The following PTPRD variants were observed in gnomAD, a reference collection of about 807,000 sequenced individuals.
PTPRD encodes the protein protein tyrosine phosphatase receptor type D.
Under a neutral mutation model 214.5 loss-of-function variants are expected in PTPRD, and 34 were observed. That is an observed-to-expected ratio of 0.16 (90% CI 0.12 to 0.21). PTPRD has a LOEUF of 0.21. Among genes scored for constraint, PTPRD ranks in the 10% least tolerant of loss-of-function variants. The pLI, the probability that PTPRD is intolerant of heterozygous loss-of-function variation, is 1.00. For missense variants in PTPRD, 2,545 were observed against 2,398.7 expected, an observed-to-expected ratio of 1.06 and a Z score of -1.27; for synonymous variants, 1,128 against 845.7, an observed-to-expected ratio of 1.33 and a Z score of -5.79.
chr9:9,428,808 G>A (rs1217794822), intron 8 of PTPRD, among the ~76,000 whole-genome samples: 1 of 152,122 alleles, frequency 6.6e-6, no homozygotes, highest in Non-Finnish European at 1.5e-5. Flanking sequence ...TGACTACTGG[G>A]TACATAAAGA....
intron 3 of PTPRD, among the ~76,000 whole-genome samples, chr9:10,253,473 C>T (rs1006201268): frequency 6.6e-6 from 1 of 152,220 alleles, no homozygotes. Flanking sequence ...CTCAGCTGCT[C>T]AGGAATATGT....
At chr9:9,350,833 G>T (rs540260079) in intron 9 of PTPRD, among the ~76,000 whole-genome samples, 23 of 152,060 alleles carry the variant, frequency 1.5e-4, no homozygotes, top group African/African-American at 5.5e-4. Context: ...AGTAGTAAAA[G>T]GAAAATATTC....
At chr9:9,792,163 C>A (rs767622110) in intron 5 of PTPRD, among the ~76,000 whole-genome samples, 3 of 151,572 alleles carry the variant, frequency 2.0e-5, no homozygotes, top group Non-Finnish European at 4.4e-5. Context: ...CACAGCTTTT[C>A]AGTGTGGCAG....
chr9:9,143,912 GT>G (rs1262268652), intron 10 of PTPRD, among the ~76,000 whole-genome samples: 7 of 152,214 alleles, frequency 4.6e-5, no homozygotes, highest in African/African-American at 1.7e-4. Flanking sequence ...CTCAGTACAT[GT>G]TTTGTGAGGT....
intron 9 of PTPRD, among the ~76,000 whole-genome samples, chr9:9,261,286 T>C (rs1037896839): frequency 6.6e-6 from 1 of 151,854 alleles, no homozygotes; most frequent in Non-Finnish European, 1.5e-5. Flanking sequence ...TTTTAGAATG[T>C]TTATTTTATT....
At chr9:8,367,751 A>G (rs2080326900) in intron 39 of PTPRD, among the ~76,000 whole-genome samples, 1 of 152,218 alleles carries the variant, frequency 6.6e-6, no homozygotes, top group African/African-American at 2.4e-5. Flanking sequence ...GTGGACATTA[A>G]CAGAGTCAAT....
At chr9:8,751,379 C>T (rs188145008) in intron 11 of PTPRD, among the ~76,000 whole-genome samples, 11 of 150,790 alleles carry the variant, frequency 7.3e-5, no homozygotes, top group Non-Finnish European at 1.2e-4. Flanking sequence ...TCTGTGATTC[C>T]GGAAAGGCTT....
intron 2 of PTPRD, among the ~76,000 whole-genome samples, chr9:10,507,395 T>A (rs1019256991): frequency 1.3e-5 from 2 of 152,116 alleles, no homozygotes; most frequent in Non-Finnish European, 2.9e-5. Flanking sequence ...ATAGATTCAA[T>A]GCCATCCCCA....
chr9:9,181,207 A>C, intron 10 of PTPRD, among the ~76,000 whole-genome samples: 1 of 151,958 alleles, frequency 6.6e-6, no homozygotes, highest in Admixed American at 6.6e-5. Flanking sequence ...AAATGATTTC[A>C]ATAATAATCA....
rs73418384 is a variant in PTPRD, at chr9:8,393,737, T to C, written c.4211-4330A>G. ...AGTGATGTCAATAGTTGTAACCCCA[T>C]AAATAATTGTTTAGCCTTCTAATCT... On this transcript the variant is annotated intron_variant, in intron 36 of 45. Coordinates refer to ENST00000381196, the MANE Select transcript of PTPRD (RefSeq NM_002839.4). Among the ~76,000 whole-genome samples the C allele has an allele frequency of 3.7e-3, 556 of 152,286 alleles. 3 individuals are homozygous for C. Among genetic ancestry groups the C allele is most frequent in the African/African-American group, 0.013 (534 of 41,562 alleles).
intron 11 of PTPRD, among the ~76,000 whole-genome samples, chr9:8,910,253 G>T (rs2098738070): frequency 6.6e-6 from 1 of 151,852 alleles, no homozygotes; most frequent in Non-Finnish European, 1.5e-5. Flanking sequence ...TAGCCAGGAT[G>T]GTCTCGATCT....
At chr9:8,767,153 T>C (rs1190846128) in intron 11 of PTPRD, among the ~76,000 whole-genome samples, 4 of 152,292 alleles carry the variant, frequency 2.6e-5, no homozygotes, top group South Asian at 4.1e-4. Context: ...GTTTTGCTCT[T>C]GTTGCCCAGG....
At chr9:9,720,470 C>A (rs6477409) in intron 7 of PTPRD, among the ~76,000 whole-genome samples, 65,267 of 151,840 alleles carry the variant, frequency 0.43, 16,481 homozygotes, top group African/African-American at 0.7. Flanking sequence ...GGACATGAAG[C>A]CGAAAGTCAG....
intron 3 of PTPRD, among the ~76,000 whole-genome samples, chr9:10,103,823 G>T (rs1251021778): frequency 6.6e-6 from 1 of 151,588 alleles, no homozygotes; most frequent in Non-Finnish European, 1.5e-5. Flanking sequence ...CAAGAATTTA[G>T]AAAAATTAAA....
intron 3 of PTPRD, among the ~76,000 whole-genome samples, chr9:10,259,936 G>T (rs960303723): frequency 1.3e-5 from 2 of 152,170 alleles, no homozygotes; most frequent in East Asian, 3.9e-4. Context: ...CAAGCATCAG[G>T]CCCGTTTCAA....
At chr9:8,350,652 C>T (rs1185381766) in intron 39 of PTPRD, among the ~76,000 whole-genome samples, 1 of 152,080 alleles carries the variant, frequency 6.6e-6, no homozygotes, top group African/African-American at 2.4e-5. Context: ...ATTTGGGGTT[C>T]ACTACAAAAA....
chr9:8,979,171 C>G (rs957379816), intron 11 of PTPRD, among the ~76,000 whole-genome samples: 5 of 152,144 alleles, frequency 3.3e-5, no homozygotes, highest in Admixed American at 3.3e-4. Context: ...GATTATTTTT[C>G]AAATTTAGAT....
chr9:8,338,865 G>GAGAGAGAGAGAGAGAGAGAGAGAGAGA, intron 43 of PTPRD, 57 bp downstream of exon 43: 1 of 1,505,918 alleles, frequency 6.6e-7, no homozygotes, highest in East Asian at 2.4e-5. Flanking sequence ...GAGAGAGAGA[G>GAGAGAGAGAGAGAGAGAGAGAGAGAGA]GTATCTTAGA....
chr9:10,218,413 T>C (rs1178288346), intron 3 of PTPRD, among the ~76,000 whole-genome samples: 1 of 151,954 alleles, frequency 6.6e-6, no homozygotes, highest in Non-Finnish European at 1.5e-5. Context: ...TATTTTAAAG[T>C]GCAATATGTA....
Sources: gnomAD v4.1 joint callset for allele counts (sites outside exome capture counted in the v4.1 genomes callset) on GRCh38, gnomAD v4.1.1 for gene constraint, MANE v1.5 for transcripts, NCBI Gene and HGNC (gene_info 2026-07-23, HGNC 2026-07-21) for gene names.